Variants in HERC4 observed in about 807,000 individuals in gnomAD.
The protein encoded by HERC4 is probable E3 ubiquitin-protein ligase HERC4.
A neutral mutation model predicts 124.3 loss-of-function variants in HERC4; 28 were observed. The ratio of observed to expected loss-of-function variants is 0.23; its 90% CI spans 0.17 to 0.31. HERC4 has a LOEUF of 0.31. Among genes scored for constraint, HERC4 ranks in the 10% least tolerant of loss-of-function variants. The pLI is 1.00. For synonymous variants in HERC4, 407 were observed against 421.5 expected (o/e 0.97, Z 0.42); for missense variants, 713 against 1,229.3 (o/e 0.58, Z 6.28).
Position 67,955,093 on chromosome 10 carries a change from G to T in HERC4, c.2063C>A (p.Ser688Tyr). The T allele has an allele frequency of 6.3e-7, 1 of 1,591,074 alleles. No individual in the cohort carries two copies. Among genetic ancestry groups the T allele is most frequent in the Non-Finnish European group, 8.5e-7 (1 of 1,171,312 alleles). ...IDQAHRQNVS[S>Y]LFLPVIESVN... ...AGATTCAATCACTGGGAGAAAAAGAGAGGAGACATTCTGCCTGTGGGCCTG... is the reference window on the plus strand; with the variant it reads ...AGATTCAATCACTGGGAGAAAAAGATAGGAGACATTCTGCCTGTGGGCCTG... The change falls in exon 18 of 25, where the codon TCT becomes TAT. Residue 688 changes from serine to tyrosine, a missense_variant. Coordinates refer to ENST00000373700, the MANE Select transcript of HERC4 (RefSeq NM_015601.4).
intron 3 of HERC4, chr10:68,069,609 A>C: frequency 1.0e-6 from 1 of 985,380 alleles, no homozygotes; most frequent in Non-Finnish European, 1.2e-6. Flanking sequence ...TCTCGAGAAT[A>C]ATTTATCCTT....
chr10:67,927,647 G>A (rs2031281336), intron 23 of HERC4, among the ~76,000 whole-genome samples: 1 of 151,366 alleles, frequency 6.6e-6, no homozygotes, highest in South Asian at 2.1e-4. Flanking sequence ...GGATGGTCTT[G>A]ATCTTCTGAC....
rs551735229 is a variant in HERC4 at position 68,010,593 on chromosome 10, G to C, written c.1069+3433C>G. 1.4e-4 allele frequency: 168 copies of C among 1,238,106 alleles called. 2 individuals carry two copies. In the South Asian group the frequency reaches 2.1e-3, roughly 15 times the overall value. The allele number at this position is 1,238,106 out of a possible 1,614,324, so 76.7% of individuals were successfully genotyped here. ...AATACTGGTTCGCTTTCTCTTTCAG[G>C]CCTGCACGAGGGTTTCGGCTTTGCA... On this transcript the variant is annotated intron_variant, in intron 9 of 24. Transcript: ENST00000373700.
chr10:67,988,565 G>T, intron 15 of HERC4, 98 bp downstream of exon 15: 2 of 811,296 alleles, frequency 2.5e-6, no homozygotes, highest in Non-Finnish European at 3.7e-6. Context: ...CATTGTTTTT[G>T]CCAATCTAAA....
intron 3 of HERC4, among the ~76,000 whole-genome samples, chr10:68,049,984 A>C (rs1462045601): frequency 1.3e-5 from 2 of 152,154 alleles, no homozygotes; most frequent in African/African-American, 2.4e-5. Flanking sequence ...AGGCAGGCAG[A>C]TTGTTGAGTC....
At chr10:68,019,581 A>G in intron 8 of HERC4, among the ~76,000 whole-genome samples, 1 of 152,268 alleles carries the variant, frequency 6.6e-6, no homozygotes, top group South Asian at 2.1e-4. Flanking sequence ...CCTAGACAAC[A>G]ATTACACTGA....
chr10:67,944,975 C>T (rs963637808), intron 19 of HERC4, among the ~76,000 whole-genome samples: 1 of 151,894 alleles, frequency 6.6e-6, no homozygotes, highest in Non-Finnish European at 1.5e-5. Flanking sequence ...CTCAAAAGGG[C>T]AAATCTAAGA....
rs777069308 is a variant in HERC4, at chr10:68,034,116, T to C, written c.534A>G (p.Gln178=). ...AAGACTTAAGCAGCTGCGGTGAAGT[T>C]TGCTTTTTACAGTCAGTACCTAAAC... ...QLGLGTDCKK[Q]TSPQLLKSLL... Residue 178 remains glutamine (Q), a synonymous_variant, in exon 6 of 25, where the codon CAA becomes CAG. Coordinates refer to ENST00000373700, the MANE Select transcript of HERC4 (RefSeq NM_015601.4). The C allele has an allele frequency of 1.3e-5, 21 of 1,614,136 alleles. No homozygotes were observed. The Admixed American group carries it at 1.3e-4, about 10-fold the overall frequency.
intron 23 of HERC4, among the ~76,000 whole-genome samples, chr10:67,928,197 A>G (rs2031364779): frequency 6.6e-6 from 1 of 152,138 alleles, no homozygotes; most frequent in Admixed American, 6.5e-5. Context: ...GAACAATGAC[A>G]GGAGATGAGG....
chr10:67,957,255 G>C (rs1366139873), intron 16 of HERC4, among the ~76,000 whole-genome samples: 1 of 152,180 alleles, frequency 6.6e-6, no homozygotes, highest in Non-Finnish European at 1.5e-5. Flanking sequence ...GCAAATCTCA[G>C]TGAATGAGGT....
At chr10:67,984,860 A>C (rs987323956) in intron 15 of HERC4, among the ~76,000 whole-genome samples, 5 of 152,144 alleles carry the variant, frequency 3.3e-5, no homozygotes, top group African/African-American at 9.7e-5. Flanking sequence ...CTGGGGTTAC[A>C]TTACTGGAGT....
chr10:68,049,070 C>A (rs560448236), intron 3 of HERC4, among the ~76,000 whole-genome samples: 12 of 151,926 alleles, frequency 7.9e-5, no homozygotes, highest in Middle Eastern at 3.4e-3. Context: ...TACAGATATA[C>A]CTCTGTGTAT....
chr10:67,962,059 CTT>C (rs1254055660), intron 16 of HERC4, among the ~76,000 whole-genome samples: 1 of 151,962 alleles, frequency 6.6e-6, no homozygotes, highest in Non-Finnish European at 1.5e-5. Context: ...GAAAAAAGAA[CTT>C]TATTATTTTA....
intron 1 of HERC4, among the ~76,000 whole-genome samples, chr10:68,074,486 C>T (rs912384501): frequency 1.3e-5 from 2 of 152,116 alleles, no homozygotes; most frequent in African/African-American, 4.8e-5. Flanking sequence ...GAAAATACCC[C>T]GACTTCAGCG....
chr10:68,031,852 C>T (rs2039222696), intron 7 of HERC4, among the ~76,000 whole-genome samples: 2 of 152,098 alleles, frequency 1.3e-5, no homozygotes, highest in African/African-American at 4.8e-5. Context: ...CTCCTGGGTT[C>T]AACTGATTCT....
chr10:68,060,085 C>T lies in HERC4; in HGVS notation c.226+12798G>A, dbSNP rs540564787. ...ATCTTCTGGAGTCTGACTGTTCTCA[C>T]CAAAACACATACTTTTGCAGGATAG... On this transcript the variant is annotated intron_variant, in intron 3 of 24. Coordinates refer to ENST00000373700, the MANE Select transcript of HERC4 (RefSeq NM_015601.4). Among the ~76,000 whole-genome samples the T allele has an allele frequency of 4.9e-4, 73 of 150,018 alleles. 2 individuals carry two copies. The South Asian group carries it at 0.014, about 29-fold the overall frequency.
chr10:68,064,406 T>C (rs1229628207), intron 3 of HERC4, among the ~76,000 whole-genome samples: 1 of 151,110 alleles, frequency 6.6e-6, no homozygotes, highest in Non-Finnish European at 1.5e-5. Flanking sequence ...ATACAAAAAT[T>C]AGCCAAGTGT....
At chr10:68,050,931 G>A (rs1308114798) in intron 3 of HERC4, among the ~76,000 whole-genome samples, 1 of 151,892 alleles carries the variant, frequency 6.6e-6, no homozygotes, top group African/African-American at 2.4e-5. Flanking sequence ...AGAAAGGGAT[G>A]CAAAAAAAAC....
intron 4 of HERC4, among the ~76,000 whole-genome samples, chr10:68,039,051 C>G (rs1184247524): frequency 6.6e-6 from 1 of 151,304 alleles, no homozygotes; most frequent in African/African-American, 2.4e-5. Flanking sequence ...TACTGTAATC[C>G]CAGCACTTTT....
Sources: gnomAD v4.1 joint callset for allele counts (sites outside exome capture counted in the v4.1 genomes callset) on GRCh38, gnomAD v4.1.1 for gene constraint, MANE v1.5 for transcripts, NCBI Gene and HGNC (gene_info 2026-07-23, HGNC 2026-07-21) for gene names.